TESK2: variants seen among roughly 807,000 people sequenced by gnomAD.
TESK2 encodes the protein dual specificity testis-specific protein kinase 2.
A neutral mutation model predicts 57.1 loss-of-function variants in TESK2; 39 were observed. The ratio of observed to expected loss-of-function variants is 0.68; its 90% confidence interval spans 0.53 to 0.89. TESK2 has a LOEUF of 0.89. Among genes scored for constraint, TESK2 ranks in the 40% least tolerant of loss-of-function variants. The pLI, the probability that TESK2 is intolerant of heterozygous loss-of-function variation, is 0.00. For synonymous variants in TESK2, 249 were observed against 267.9 expected (o/e 0.93, Z 0.69); for missense variants, 646 against 732.1 (o/e 0.88, Z 1.36).
chr1:45,482,118 A>G (rs1653251491), intron 1 of TESK2, among the ~76,000 whole-genome samples: 1 of 152,212 alleles, frequency 6.6e-6, no homozygotes. Flanking sequence ...AGGTTCGTGC[A>G]TATTTTTCAT....
chr1:45,381,280 A>G (rs1405845710), intron 4 of TESK2, among the ~76,000 whole-genome samples: 2 of 152,168 alleles, frequency 1.3e-5, no homozygotes, highest in Non-Finnish European at 2.9e-5. Flanking sequence ...AAAGGTTCCA[A>G]TTCTTCGCCT....
At chr1:45,376,601 T>C (rs1442821982) in intron 4 of TESK2, among the ~76,000 whole-genome samples, 1 of 152,152 alleles carries the variant, frequency 6.6e-6, no homozygotes, top group African/African-American at 2.4e-5. Context: ...GACCATCAAC[T>C]ACAAACACAC....
chr1:45,409,091 A>T (rs1487219871), intron 3 of TESK2, among the ~76,000 whole-genome samples: 2 of 152,212 alleles, frequency 1.3e-5, no homozygotes, highest in African/African-American at 4.8e-5. Context: ...TCTAATTGGC[A>T]TCAGCTTCTA....
intron 1 of TESK2, among the ~76,000 whole-genome samples, chr1:45,470,236 A>G (rs567590515): frequency 6.6e-6 from 1 of 152,342 alleles, no homozygotes; most frequent in East Asian, 1.9e-4. Context: ...AAAACTGGCC[A>G]CTTATTTTCT....
intron 2 of TESK2, among the ~76,000 whole-genome samples, chr1:45,443,076 C>T (rs946664358): frequency 6.6e-5 from 10 of 152,182 alleles, no homozygotes; most frequent in Non-Finnish European, 1.5e-4. Flanking sequence ...CCAACATATC[C>T]GGCCTACTTT....
rs1647127264 is a variant in TESK2 at position 45,345,430 on chromosome 1, G to A, written c.1126C>T (p.Pro376Ser). The A allele has an allele frequency of 1.2e-6, 2 of 1,614,176 alleles. No individual in the cohort carries two copies. The highest frequency in any genetic ancestry group is 1.7e-6 in the Non-Finnish European group (2 of 1,180,044). ...RSQSDIFSRKPPRTVSVLDPY... is the reference protein window; with the variant it reads ...RSQSDIFSRKSPRTVSVLDPY... Reference sequence around the variant, plus strand: ...TCCAAGACACTCACTGTACGTGGGGGCTTACGGGAAAAGATATCTGACTGG... The same window carrying A: ...TCCAAGACACTCACTGTACGTGGGGACTTACGGGAAAAGATATCTGACTGG... The change falls in exon 11 of 11, where the codon CCC (proline) becomes TCC (serine). Residue 376 changes from proline (P) to serine (S), a missense_variant. Pro to Ser is a moderately conservative substitution (Grantham distance 74, BLOSUM62 -1). Transcript: ENST00000372086.
At chr1:45,381,269 C>G (rs1282861950) in intron 4 of TESK2, among the ~76,000 whole-genome samples, 17 of 152,128 alleles carry the variant, frequency 1.1e-4, no homozygotes, top group Admixed American at 9.8e-4. Context: ...GGTTGATTGT[C>G]AAAGGTTCCA....
chr1:45,413,756 G>C, intron 3 of TESK2: 1 of 447,132 alleles, frequency 2.2e-6, no homozygotes, highest in South Asian at 1.6e-5. Flanking sequence ...TCCCATACCC[G>C]GGGCCAGCAC....
chr1:45,362,587 G>T (rs1647730935), intron 4 of TESK2, among the ~76,000 whole-genome samples: 2 of 152,206 alleles, frequency 1.3e-5, no homozygotes, highest in Admixed American at 6.5e-5. Context: ...TTCAGAGAAG[G>T]TCTGGAGAAA....
chr1:45,427,373 T>C (rs1298673364), intron 2 of TESK2, among the ~76,000 whole-genome samples: 1 of 151,762 alleles, frequency 6.6e-6, no homozygotes, highest in Non-Finnish European at 1.5e-5. Context: ...AAACTAAGAA[T>C]AGAGCTACCA....
intron 1 of TESK2, among the ~76,000 whole-genome samples, chr1:45,485,526 T>TA (rs1224283703): frequency 4.8e-5 from 7 of 146,770 alleles, no homozygotes; most frequent in African/African-American, 1.0e-4. Context: ...TTATTTTATT[T>TA]TTTTTTTTTT....
intron 2 of TESK2, among the ~76,000 whole-genome samples, chr1:45,444,549 T>C (rs976651848): frequency 1.3e-5 from 2 of 152,150 alleles, no homozygotes; most frequent in Admixed American, 1.3e-4. Flanking sequence ...CCACACACAC[T>C]GTACAGAAAG....
At chr1:45,454,432 T>A (rs966830938) in intron 2 of TESK2, among the ~76,000 whole-genome samples, 7 of 151,786 alleles carry the variant, frequency 4.6e-5, no homozygotes, top group African/African-American at 1.7e-4. Context: ...TTTATTTTTT[T>A]ATTATTTTAT....
intron 1 of TESK2, among the ~76,000 whole-genome samples, chr1:45,482,137 G>C (rs1361038985): frequency 6.6e-6 from 1 of 152,164 alleles, no homozygotes; most frequent in Non-Finnish European, 1.5e-5. Flanking sequence ...ATCATGCTTA[G>C]TGCAATACTG....
chr1:45,363,988 A>G (rs1327048747), intron 4 of TESK2, among the ~76,000 whole-genome samples: 1 of 152,212 alleles, frequency 6.6e-6, no homozygotes, highest in African/African-American at 2.4e-5. Flanking sequence ...TGTCAAGGAA[A>G]GTGCTCAATA....
Position 45,364,894 on chromosome 1 carries a change from T to C in TESK2, c.394-9445A>G, listed in dbSNP as rs543294689. On this transcript the variant is annotated intron_variant, in intron 4 of 10. Transcript: ENST00000372086. Reference sequence around the variant, plus strand: ...AATGACTCAATGTGCCATCAGTAAGTCAGAAACCTGTCAGAAACCAGTATC... The same window carrying C: ...AATGACTCAATGTGCCATCAGTAAGCCAGAAACCTGTCAGAAACCAGTATC... 2.0e-5 allele frequency among the ~76,000 whole-genome samples: 3 copies of C among 152,326 alleles called. 1 individual carries two copies. In the South Asian group the frequency reaches 6.2e-4, roughly 32 times the overall value.
Position 45,368,627 on chromosome 1 carries a change from G to A in TESK2, c.394-13178C>T, listed in dbSNP as rs188410395. On this transcript the variant is annotated intron_variant, in intron 4 of 10. Coordinates refer to ENST00000372086, the MANE Select transcript of TESK2 (RefSeq NM_007170.3). ...TGACCTCAGGTGATCCACCTGCCTC[G>A]GCCTCCCAAAGTGCTGAGATTACAG... 3.6e-3 allele frequency among the ~76,000 whole-genome samples: 548 copies of A among 151,922 alleles called. 6 individuals carry two copies. The highest frequency in any genetic ancestry group is 0.013 in the African/African-American group (519 of 41,406).
intron 1 of TESK2, among the ~76,000 whole-genome samples, chr1:45,467,740 G>A (rs1652611989): frequency 6.6e-6 from 1 of 152,030 alleles, no homozygotes; most frequent in Non-Finnish European, 1.5e-5. Context: ...CAGTGTGCAA[G>A]CCAAGCCTCT....
intron 1 of TESK2, among the ~76,000 whole-genome samples, chr1:45,485,511 A>T (rs532933058): frequency 1.6e-3 from 154 of 94,324 alleles, no homozygotes; most frequent in African/African-American, 6.0e-3. Context: ...ATATAAATTT[A>T]TTTTTTATTT....
Sources: gnomAD v4.1 joint callset for allele counts (sites outside exome capture counted in the v4.1 genomes callset) on GRCh38, gnomAD v4.1.1 for gene constraint, MANE v1.5 for transcripts, NCBI Gene and HGNC (gene_info 2026-07-23, HGNC 2026-07-21) for gene names.